Variants in MAP4 observed in about 807,000 individuals in gnomAD.
MAP4 encodes microtubule associated protein 4.
A neutral mutation model predicts 170.2 loss-of-function variants in MAP4; 76 were observed. That is an observed-to-expected ratio of 0.45 (90% confidence interval 0.37 to 0.54). The LOEUF (loss-of-function observed/expected upper bound fraction) is 0.54, where lower values mean the gene tolerates loss of function less well. MAP4 is among the 20% of genes least tolerant of loss of function. MAP4 has a pLI of 0.00. For missense variants in MAP4, 2,506 were observed against 2,748.0 expected (o/e 0.91, Z 1.97); for synonymous variants, 909 against 994.5 (o/e 0.91, Z 1.62).
chr3:47,874,542 T>G (rs1431610662), intron 12 of MAP4, among the ~76,000 whole-genome samples: 1 of 152,142 alleles, frequency 6.6e-6, no homozygotes, highest in East Asian at 1.9e-4. Context: ...ATATGATTAT[T>G]ATAGAGTGAA....
intron 3 of MAP4, among the ~76,000 whole-genome samples, chr3:47,972,683 G>A (rs1033923490): frequency 1.3e-5 from 2 of 152,046 alleles, no homozygotes; most frequent in African/African-American, 4.8e-5. Flanking sequence ...TCAGGAGATC[G>A]AGACCATCCT....
chr3:48,030,000 T>A (rs4550840), intron 1 of MAP4, among the ~76,000 whole-genome samples: 82,791 of 146,044 alleles, frequency 0.57, 24,592 homozygotes, highest in Non-Finnish European at 0.66. Context: ...AAAAAAAAAA[T>A]ATATATATAT....
At chr3:47,869,871 C>T (rs2088230020) in intron 15 of MAP4, among the ~76,000 whole-genome samples, 1 of 152,110 alleles carries the variant, frequency 6.6e-6, no homozygotes, top group African/African-American at 2.4e-5. Context: ...GATAGGCCAT[C>T]AGCAGCACAG....
At chr3:47,932,901 A>G (rs1395768486) in intron 3 of MAP4, among the ~76,000 whole-genome samples, 3 of 151,806 alleles carry the variant, frequency 2.0e-5, no homozygotes, top group Non-Finnish European at 4.4e-5. Flanking sequence ...ATGCTTGGCT[A>G]TCTTTTTTTG....
chr3:47,877,135 C>T, intron 11 of MAP4: 1 of 279,930 alleles, frequency 3.6e-6, no homozygotes, highest in Non-Finnish European at 6.9e-6. Context: ...CCTTGGCCTC[C>T]CAAAGTGCTG....
At chr3:47,995,466 G>T (rs930234937) in intron 2 of MAP4, among the ~76,000 whole-genome samples, 11 of 152,016 alleles carry the variant, frequency 7.2e-5, no homozygotes, top group African/African-American at 2.7e-4. Flanking sequence ...GGCCAGGCTG[G>T]TCTCAAACTC....
At chr3:48,080,114 G>A (rs986870695) in intron 1 of MAP4, among the ~76,000 whole-genome samples, 1 of 152,192 alleles carries the variant, frequency 6.6e-6, no homozygotes, top group African/African-American at 2.4e-5. Context: ...GTGCAAAGTT[G>A]AGATTAGAGC....
chr3:48,063,083 CAAT>C (rs1222565968), intron 1 of MAP4, among the ~76,000 whole-genome samples: 2 of 150,636 alleles, frequency 1.3e-5, no homozygotes, highest in African/African-American at 4.9e-5. Flanking sequence ...ATTAAGACAA[CAAT>C]AATTCTGACA....
chr3:48,047,596 T>G (rs527285062), intron 1 of MAP4, among the ~76,000 whole-genome samples: 182 of 152,290 alleles, frequency 1.2e-3, no homozygotes, highest in Non-Finnish European at 2.2e-3. Flanking sequence ...TTTAAAAAGA[T>G]GACATGAAAC....
intron 1 of MAP4, among the ~76,000 whole-genome samples, chr3:48,045,067 G>T (rs1342364293): frequency 6.6e-6 from 1 of 151,718 alleles, no homozygotes; most frequent in African/African-American, 2.4e-5. Flanking sequence ...GACCAGCCTG[G>T]ACAACATGGT....
At chr3:47,876,270 T>G (rs2095407021) in intron 11 of MAP4, among the ~76,000 whole-genome samples, 2 of 152,104 alleles carry the variant, frequency 1.3e-5, no homozygotes, top group Admixed American at 1.3e-4. Flanking sequence ...TAGCTGGGAC[T>G]ACCAGCGTGT....
At chr3:48,053,179 C>T (rs1316751159) in intron 1 of MAP4, among the ~76,000 whole-genome samples, 1 of 152,070 alleles carries the variant, frequency 6.6e-6, no homozygotes, top group African/African-American at 2.4e-5. Context: ...TTAATTAGAC[C>T]TGATGCATCA....
intron 1 of MAP4, among the ~76,000 whole-genome samples, chr3:48,010,803 T>TG (rs1175724949): frequency 6.6e-6 from 1 of 152,102 alleles, no homozygotes; most frequent in African/African-American, 2.4e-5. Context: ...AAGAAAAACA[T>TG]GAAGAGATGG....
chr3:47,935,016 C>A (rs2100051915), intron 3 of MAP4, among the ~76,000 whole-genome samples: 1 of 152,196 alleles, frequency 6.6e-6, no homozygotes, highest in African/African-American at 2.4e-5. Context: ...CAAACCTCTG[C>A]AAGCTTTAGT....
chr3:48,076,318 A>C lies in MAP4; in HGVS notation c.-20+12455T>G, dbSNP rs867499276. 5.3e-5 allele frequency among the ~76,000 whole-genome samples: 8 copies of C among 151,582 alleles called. No homozygotes were observed. The South Asian group carries it at 1.7e-3, about 32-fold the overall frequency. Reference sequence around the variant, plus strand: ...AAGACCATTCTGGCTAACATGGTGAAACTTCATCTCTACTAAAAATACAAA... The same window carrying C: ...AAGACCATTCTGGCTAACATGGTGACACTTCATCTCTACTAAAAATACAAA... On this transcript the variant is annotated intron_variant, in intron 1 of 18. Transcript: ENST00000360240.
chr3:48,086,814 A>C (rs1257970127), intron 1 of MAP4, among the ~76,000 whole-genome samples: 2 of 152,210 alleles, frequency 1.3e-5, no homozygotes, highest in Non-Finnish European at 2.9e-5. Context: ...AATACTTCCA[A>C]CATGCATTAA....
intron 3 of MAP4, among the ~76,000 whole-genome samples, chr3:47,951,410 G>T (rs914821289): frequency 6.6e-6 from 1 of 152,096 alleles, no homozygotes; most frequent in Non-Finnish European, 1.5e-5. Context: ...GCCGAAGCTG[G>T]GCTGTACTGC....
chr3:48,011,768 A>G (rs1052174314), intron 1 of MAP4, among the ~76,000 whole-genome samples: 45 of 152,314 alleles, frequency 3.0e-4, no homozygotes, highest in African/African-American at 1.1e-3. Context: ...AAAGGGTTCC[A>G]TGAAAAGCAA....
intron 3 of MAP4, 67 bp downstream of exon 3, chr3:47,977,795 AAGG>A: frequency 9.6e-7 from 1 of 1,044,962 alleles, no homozygotes. Context: ...ATGCTCTTCA[AAGG>A]AGATTATCAA....
Sources: allele counts gnomAD v4.1 joint callset (sites outside exome capture counted in the v4.1 genomes callset), GRCh38; gene constraint gnomAD v4.1.1; transcripts MANE v1.5; gene names NCBI Gene and HGNC (gene_info 2026-07-23, HGNC 2026-07-21).